The following EPHA4 variants were observed in gnomAD, a reference collection of about 807,000 sequenced individuals.
The protein encoded by EPHA4 is ephrin type-A receptor 4.
Under a neutral mutation model 108.3 loss-of-function variants are expected in EPHA4, and 19 were observed. The ratio of observed to expected loss-of-function variants is 0.18; its 90% CI spans 0.12 to 0.26. The LOEUF is 0.26. Ranked by LOEUF, EPHA4 falls within the 10% of genes least tolerant of loss-of-function variation. EPHA4 has a pLI of 1.00. For synonymous variants in EPHA4, 449 were observed against 455.5 expected (o/e 0.99, Z 0.18); for missense variants, 917 against 1,254.0 (o/e 0.73, Z 4.06).
intron 5 of EPHA4, among the ~76,000 whole-genome samples, chr2:221,469,634 C>T (rs2106128513): frequency 6.6e-6 from 1 of 152,286 alleles, no homozygotes. Flanking sequence ...GGTCCACTGT[C>T]TTCCAAGTTG....
intron 3 of EPHA4, among the ~76,000 whole-genome samples, chr2:221,538,558 A>G (rs1343615440): frequency 6.6e-6 from 1 of 152,206 alleles, no homozygotes; most frequent in African/African-American, 2.4e-5. Context: ...AATTTGCCAG[A>G]ATCTGCATAA....
At chr2:221,443,738 T>C (rs1398851781) in intron 9 of EPHA4, 132 bp from the exon 10 acceptor site, 1 of 533,144 alleles carries the variant, frequency 1.9e-6, no homozygotes, top group African/African-American at 1.9e-5. Flanking sequence ...ATGAAAATGG[T>C]TAAATTCTTG....
At position 221,429,980 on chromosome 2, in the gene EPHA4, T is replaced by C. The variant is rs1690023294; in HGVS notation, c.2668A>G (p.Arg890Gly). The C allele has an allele frequency of 1.2e-6, 2 of 1,614,024 alleles. No homozygotes were observed. Among genetic ancestry groups the C allele is most frequent in the Non-Finnish European group, 1.7e-6 (2 of 1,180,016 alleles). Reference protein sequence around the residue: ...KLIRNPNSLKRTGTESSRPNT... With the variant: ...KLIRNPNSLKGTGTESSRPNT... ...GACCTGGAGCTCTCCGTCCCTGTCC[T>C]CTTCAAGCTGTTGGGGTTGCGGATG... The change falls in exon 15 of 18, where the codon AGG (arginine) becomes GGG (glycine). Residue 890 changes from arginine (R) to glycine (G), a missense_variant. Physicochemically the swap from Arg to Gly is moderately radical, Grantham distance 125. Coordinates refer to ENST00000281821, the MANE Select transcript of EPHA4 (RefSeq NM_004438.5).
rs112430736 is a variant in EPHA4 at position 221,496,124 on chromosome 2, G to T, written c.979+4893C>A. Among the ~76,000 whole-genome samples the T allele has an allele frequency of 3.5e-4, 53 of 152,258 alleles. 1 individual carries two copies. The highest frequency in any genetic ancestry group is 1.2e-3 in the African/African-American group (50 of 41,556). On this transcript the variant is annotated intron_variant, in intron 4 of 17. Coordinates refer to ENST00000281821, the MANE Select transcript of EPHA4 (RefSeq NM_004438.5). Reference sequence around the variant, plus strand: ...CTTGTCAAGAGAATCCGATAAAGCTGGGGGCAGCGTGCGAGTGGGGAGAGT... The same window carrying T: ...CTTGTCAAGAGAATCCGATAAAGCTTGGGGCAGCGTGCGAGTGGGGAGAGT...
At chr2:221,522,033 C>T (rs984930595) in intron 3 of EPHA4, among the ~76,000 whole-genome samples, 10 of 151,976 alleles carry the variant, frequency 6.6e-5, no homozygotes, top group South Asian at 2.1e-4. Context: ...CAAAATAGGC[C>T]GGAAATACAG....
Position 221,436,614 on chromosome 2 carries a change from T to C in EPHA4, c.2137-6A>G. ...GTAAATCTGCCATCATTTTTCTGCATAGAAAAGGAGTGAGGAACAATCTCA... is the reference window on the plus strand; with the variant it reads ...GTAAATCTGCCATCATTTTTCTGCACAGAAAAGGAGTGAGGAACAATCTCA... On this transcript the variant is annotated splice_region_variant and splice_polypyrimidine_tract_variant and intron_variant, in intron 12 of 17. Coordinates refer to ENST00000281821, the MANE Select transcript of EPHA4 (RefSeq NM_004438.5). 1 of 1,613,322 alleles carries C rather than the reference T, an allele frequency of 6.2e-7. No homozygotes were observed. Among genetic ancestry groups the C allele is most frequent in the Non-Finnish European group, 8.5e-7 (1 of 1,179,436 alleles).
At chr2:221,500,357 G>T (rs753029247) in intron 4 of EPHA4, among the ~76,000 whole-genome samples, 12 of 152,274 alleles carry the variant, frequency 7.9e-5, no homozygotes, top group Non-Finnish European at 1.5e-4. Flanking sequence ...AGCCATTGTA[G>T]GGTCTGTGAA....
At chr2:221,533,203 A>G (rs1034718782) in intron 3 of EPHA4, among the ~76,000 whole-genome samples, 6 of 152,194 alleles carry the variant, frequency 3.9e-5, no homozygotes, top group African/African-American at 1.4e-4. Context: ...CATTATAATA[A>G]ACCCAGTATG....
intron 5 of EPHA4, among the ~76,000 whole-genome samples, chr2:221,474,979 G>C (rs142467166): frequency 6.6e-6 from 1 of 152,034 alleles, no homozygotes; most frequent in Non-Finnish European, 1.5e-5. Context: ...AGCAATTCTC[G>C]TGTGCCTCAG....
intron 3 of EPHA4, among the ~76,000 whole-genome samples, chr2:221,530,802 C>T (rs1050835674): frequency 7.2e-5 from 11 of 152,092 alleles, no homozygotes; most frequent in Admixed American, 2.0e-4. Context: ...GGGGTCAGTG[C>T]TTTTTCAGTC....
intron 3 of EPHA4, chr2:221,532,737 G>A (rs1268241938): frequency 6.6e-6 from 1 of 152,258 alleles, no homozygotes; most frequent in Admixed American, 6.5e-5. Flanking sequence ...CCTTAGGCTT[G>A]GCCTCCTAAG....
intron 3 of EPHA4, among the ~76,000 whole-genome samples, chr2:221,511,110 G>GA (rs943610182): frequency 2.6e-5 from 4 of 151,980 alleles, no homozygotes; most frequent in East Asian, 1.9e-4. Context: ...TGTATTTTTG[G>GA]AAAAAAACAT....
chr2:221,436,960 A>G, intron 12 of EPHA4, 101 bp downstream of exon 12: 2 of 869,166 alleles, frequency 2.3e-6, no homozygotes. Flanking sequence ...TGCCCATTAA[A>G]AGAAATCCAC....
At position 221,571,516 on chromosome 2, in the gene EPHA4, G is replaced by T. The variant is rs942648518; in HGVS notation, c.91+642C>A. Among the ~76,000 whole-genome samples, 3 of 152,244 alleles carry T rather than the reference G, an allele frequency of 2.0e-5. No individual in the cohort carries two copies. The highest frequency in any genetic ancestry group is 7.2e-5 in the African/African-American group (3 of 41,474). On this transcript the variant is annotated intron_variant, in intron 1 of 17. Coordinates refer to ENST00000281821, the MANE Select transcript of EPHA4 (RefSeq NM_004438.5). The surrounding 1 kb of genome is among the most constrained non-coding windows in gnomAD (Gnocchi z 6.3). The stretch of plus-strand genomic sequence containing the variant: ...ACTTGCCGGCGGGTTCCCCAAGTCT[G>T]CGGGGCGAAGAGCTCGGGCCCCTCA...
At chr2:221,456,278 C>T (rs1690950255) in intron 7 of EPHA4, among the ~76,000 whole-genome samples, 1 of 151,890 alleles carries the variant, frequency 6.6e-6, no homozygotes, top group South Asian at 2.1e-4. Flanking sequence ...AGAAAATTCC[C>T]TATATTAATG....
intron 3 of EPHA4, among the ~76,000 whole-genome samples, chr2:221,530,057 A>G (rs1693459275): frequency 6.6e-6 from 1 of 152,206 alleles, no homozygotes; most frequent in African/African-American, 2.4e-5. Context: ...ACAGTCCAGT[A>G]GGGGCAGGTA....
chr2:221,423,293 A>G (rs980084188), intron 17 of EPHA4, among the ~76,000 whole-genome samples: 3 of 152,234 alleles, frequency 2.0e-5, no homozygotes, highest in African/African-American at 7.2e-5. Flanking sequence ...CCCAGTGTCA[A>G]CATTTCAGTT....
chr2:221,450,770 C>T (rs1421320759), intron 8 of EPHA4, among the ~76,000 whole-genome samples: 1 of 152,148 alleles, frequency 6.6e-6, no homozygotes, highest in African/African-American at 2.4e-5. Context: ...CCCACTGTCA[C>T]TAGCAATCAT....
intron 5 of EPHA4, among the ~76,000 whole-genome samples, chr2:221,474,185 T>C (rs1691584868): frequency 6.6e-6 from 1 of 152,200 alleles, no homozygotes; most frequent in South Asian, 2.1e-4. Flanking sequence ...AGTAGGCTCT[T>C]TTGGCAGGCT....
Sources: gnomAD v4.1 joint callset for allele counts (sites outside exome capture counted in the v4.1 genomes callset) on GRCh38, gnomAD v4.1.1 for gene constraint, Gnocchi (gnomAD v3.1) non-coding constraint, MANE v1.5 for transcripts, NCBI Gene and HGNC (gene_info 2026-07-23, HGNC 2026-07-21) for gene names.